SEMA5A: variants seen among roughly 807,000 people sequenced by gnomAD.
SEMA5A encodes semaphorin-5A.
A neutral mutation model predicts 135.5 loss-of-function variants in SEMA5A; 55 were observed. The ratio of observed to expected loss-of-function variants is 0.41; its 90% CI spans 0.33 to 0.51. The LOEUF is 0.51. Among genes scored for constraint, SEMA5A ranks in the 20% least tolerant of loss-of-function variants. SEMA5A has a pLI of 0.37. For synonymous variants in SEMA5A, 580 were observed against 546.5 expected (o/e 1.06, Z -0.85); for missense variants, 1,290 against 1,419.9 (o/e 0.91, Z 1.47).
chr5:9,438,896 T>C (rs1758130840), intron 1 of SEMA5A, among the ~76,000 whole-genome samples: 2 of 152,204 alleles, frequency 1.3e-5, no homozygotes, highest in Non-Finnish European at 2.9e-5. Context: ...TGGAAATTTA[T>C]AAAATGTTAT....
chr5:9,115,844 T>C (rs1740481713), intron 15 of SEMA5A, among the ~76,000 whole-genome samples: 1 of 152,220 alleles, frequency 6.6e-6, no homozygotes, highest in Non-Finnish European at 1.5e-5. Flanking sequence ...TGTGTCTTAC[T>C]TCCAAACAAC....
intron 1 of SEMA5A, among the ~76,000 whole-genome samples, chr5:9,544,009 T>C (rs1738237786): frequency 6.6e-6 from 1 of 152,128 alleles, no homozygotes; most frequent in Non-Finnish European, 1.5e-5. Flanking sequence ...AACATTACAC[T>C]CTCTAAAATA....
chr5:9,401,952 G>A (rs1328194918), intron 2 of SEMA5A, among the ~76,000 whole-genome samples: 2 of 152,156 alleles, frequency 1.3e-5, no homozygotes, highest in Non-Finnish European at 2.9e-5. Context: ...CCGTGTATGT[G>A]TTGCTACACA....
chr5:9,535,360 C>T (rs1207248932), intron 1 of SEMA5A, among the ~76,000 whole-genome samples: 1 of 152,116 alleles, frequency 6.6e-6, no homozygotes, highest in African/African-American at 2.4e-5. Flanking sequence ...TGGCTCCAGG[C>T]CTGACTTTCG....
chr5:9,065,414 A>T (rs973656190), intron 17 of SEMA5A, among the ~76,000 whole-genome samples: 27 of 152,218 alleles, frequency 1.8e-4, no homozygotes, highest in African/African-American at 6.0e-4. Flanking sequence ...TTATCCCACA[A>T]TAAATTCTGT....
At chr5:9,302,153 G>T (rs1321718236) in intron 5 of SEMA5A, among the ~76,000 whole-genome samples, 2 of 152,024 alleles carry the variant, frequency 1.3e-5, no homozygotes, top group East Asian at 3.9e-4. Context: ...GTATCTAAGA[G>T]GCACCCAGAT....
At chr5:9,087,696 T>C (rs1738776273) in intron 16 of SEMA5A, among the ~76,000 whole-genome samples, 2 of 152,096 alleles carry the variant, frequency 1.3e-5, no homozygotes, top group Non-Finnish European at 2.9e-5. Context: ...AGGTCACTTA[T>C]ATGCCAGTTC....
At chr5:9,332,572 C>T (rs574427189) in intron 4 of SEMA5A, among the ~76,000 whole-genome samples, 8 of 151,058 alleles carry the variant, frequency 5.3e-5, no homozygotes, top group African/African-American at 1.7e-4. Flanking sequence ...TGGGCTGCTA[C>T]TCACATTGGG....
chr5:9,503,412 T>C (rs1735695786), intron 1 of SEMA5A, among the ~76,000 whole-genome samples: 1 of 152,134 alleles, frequency 6.6e-6, no homozygotes, highest in South Asian at 2.1e-4. Context: ...GGAGGTGGTG[T>C]CCTAGAGACT....
intron 19 of SEMA5A, among the ~76,000 whole-genome samples, chr5:9,052,234 G>A (rs928988205): frequency 1.3e-4 from 20 of 152,244 alleles, no homozygotes; most frequent in South Asian, 8.3e-4. Flanking sequence ...AAGTGCCTGC[G>A]CTGTTATATA....
At chr5:9,395,633 C>A (rs930584035) in intron 2 of SEMA5A, among the ~76,000 whole-genome samples, 1 of 152,230 alleles carries the variant, frequency 6.6e-6, no homozygotes, top group Non-Finnish European at 1.5e-5. Context: ...TCCACTGTGA[C>A]TTGGCCATAC....
chr5:9,540,725 A>C (rs1237352973), intron 1 of SEMA5A, among the ~76,000 whole-genome samples: 2 of 152,112 alleles, frequency 1.3e-5, no homozygotes. Context: ...CCAACCATAA[A>C]TGTCCCTGGC....
At chr5:9,232,584 T>A (rs1747690371) in intron 6 of SEMA5A, among the ~76,000 whole-genome samples, 2 of 152,208 alleles carry the variant, frequency 1.3e-5, no homozygotes, top group African/African-American at 4.8e-5. Context: ...AAATCACAGA[T>A]GCAATATGTA....
At chr5:9,263,305 C>T (rs1749504723) in intron 5 of SEMA5A, among the ~76,000 whole-genome samples, 1 of 152,182 alleles carries the variant, frequency 6.6e-6, no homozygotes, top group African/African-American at 2.4e-5. Flanking sequence ...CCAGGCCGCA[C>T]AGCATGAGGT....
intron 11 of SEMA5A, among the ~76,000 whole-genome samples, chr5:9,179,020 A>T (rs1036924006): frequency 2.0e-5 from 3 of 152,202 alleles, no homozygotes; most frequent in African/African-American, 7.2e-5. Context: ...TAGAGATTAG[A>T]CTTAGCAAAA....
At chr5:9,168,933 G>A (rs1342812118) in intron 11 of SEMA5A, among the ~76,000 whole-genome samples, 1 of 152,038 alleles carries the variant, frequency 6.6e-6, no homozygotes, top group African/African-American at 2.4e-5. Flanking sequence ...TACCCAAAGA[G>A]TTACATTTAA....
At chr5:9,344,205 C>A (rs1274146062) in intron 3 of SEMA5A, among the ~76,000 whole-genome samples, 1 of 152,112 alleles carries the variant, frequency 6.6e-6, no homozygotes, top group Non-Finnish European at 1.5e-5. Flanking sequence ...TGTTTATAAT[C>A]TTGTGAAGCG....
At chr5:9,430,729 C>T (rs924947763) in intron 2 of SEMA5A, among the ~76,000 whole-genome samples, 3 of 152,116 alleles carry the variant, frequency 2.0e-5, no homozygotes. Context: ...GTGATCTTGA[C>T]TAGGCAGTGC....
At chr5:9,173,637 T>G (rs1302598343) in intron 11 of SEMA5A, among the ~76,000 whole-genome samples, 1 of 152,114 alleles carries the variant, frequency 6.6e-6, no homozygotes, top group Non-Finnish European at 1.5e-5. Flanking sequence ...TCCTAAAGGC[T>G]CCACCTCCAG....
Sources: allele counts gnomAD v4.1 joint callset (sites outside exome capture counted in the v4.1 genomes callset), GRCh38; gene constraint gnomAD v4.1.1; transcripts MANE v1.5; gene names NCBI Gene and HGNC (gene_info 2026-07-23, HGNC 2026-07-21).